Variants in CSNK2A2IP observed in about 807,000 individuals in gnomAD.
CSNK2A2IP encodes casein kinase 2 subunit alpha' interacting protein.
At chr3:88,413,064 A>AT in the CSNK2A2IP span, among the ~76,000 whole-genome samples, 1 of 151,766 alleles carries the variant, frequency 6.6e-6, no homozygotes, top group African/African-American at 2.4e-5. Context: ...TAAGTTTTTT[A>AT]TTTTTTCCAG....
At chr3:88,398,842 T>C in the CSNK2A2IP span, among the ~76,000 whole-genome samples, 1 of 152,216 alleles carries the variant, frequency 6.6e-6, no homozygotes, top group Non-Finnish European at 1.5e-5. Context: ...GGAATATTTA[T>C]GTCTTGCTCA....
the CSNK2A2IP span, among the ~76,000 whole-genome samples, chr3:88,420,855 T>A: frequency 1.2e-4 from 18 of 152,250 alleles, no homozygotes; most frequent in African/African-American, 4.3e-4. Context: ...AGAAATGATA[T>A]TGGGTTCATT....
the CSNK2A2IP span, among the ~76,000 whole-genome samples, chr3:88,385,275 A>C: frequency 6.6e-6 from 1 of 151,910 alleles, no homozygotes; most frequent in South Asian, 2.1e-4. Flanking sequence ...GTGATATGGA[A>C]GGTGAGAGAG....
chr3:88,396,032 C>T, the CSNK2A2IP span, among the ~76,000 whole-genome samples: 5 of 150,176 alleles, frequency 3.3e-5, no homozygotes, highest in Non-Finnish European at 7.4e-5. Flanking sequence ...TATGAGTTTA[C>T]GATCTAGGAG....
the CSNK2A2IP span, among the ~76,000 whole-genome samples, chr3:88,352,224 CCTAT>C: frequency 2.6e-4 from 40 of 151,806 alleles, no homozygotes; most frequent in Admixed American, 1.5e-3. Context: ...CATCTATCTA[CCTAT>C]CTATCTATCT....
At chr3:88,377,852 A>G in the CSNK2A2IP span, among the ~76,000 whole-genome samples, 5,711 of 152,014 alleles carry the variant, frequency 0.038, 268 homozygotes, top group African/African-American at 0.11. Flanking sequence ...AAGACTCTTT[A>G]GGTCTACACA....
At chr3:88,452,679 C>T in the CSNK2A2IP span, among the ~76,000 whole-genome samples, 1 of 152,078 alleles carries the variant, frequency 6.6e-6, no homozygotes, top group African/African-American at 2.4e-5. Flanking sequence ...TTGTAGAGCT[C>T]AGTTCTGGAA....
the CSNK2A2IP span, among the ~76,000 whole-genome samples, chr3:88,373,427 G>C: frequency 6.6e-6 from 1 of 151,264 alleles, no homozygotes; most frequent in Admixed American, 6.6e-5. Flanking sequence ...ATTTTGAAGT[G>C]AATGAAATTG....
At chr3:88,463,230 C>T in the CSNK2A2IP span, among the ~76,000 whole-genome samples, 1 of 149,720 alleles carries the variant, frequency 6.7e-6, no homozygotes, top group Admixed American at 6.7e-5. Flanking sequence ...TGACTGATTT[C>T]AGAATCTGTT....
the CSNK2A2IP span, among the ~76,000 whole-genome samples, chr3:88,339,200 AT>A: frequency 6.6e-6 from 1 of 151,826 alleles, no homozygotes; most frequent in African/African-American, 2.4e-5. Flanking sequence ...TCCTCACTTT[AT>A]CCCCCAGTTC....
the CSNK2A2IP span, among the ~76,000 whole-genome samples, chr3:88,439,762 C>T: frequency 6.9e-6 from 1 of 144,006 alleles, no homozygotes; most frequent in Non-Finnish European, 1.5e-5. Flanking sequence ...AAAAAATCAT[C>T]GAAGAGTTAT....
the CSNK2A2IP span, among the ~76,000 whole-genome samples, chr3:88,414,270 G>GTTTT: frequency 6.1e-3 from 393 of 64,100 alleles, 68 homozygotes; most frequent in African/African-American, 0.025. Flanking sequence ...TACCAACAAA[G>GTTTT]TTTTTTTTTT....
At chr3:88,413,627 G>T in the CSNK2A2IP span, among the ~76,000 whole-genome samples, 2 of 151,990 alleles carry the variant, frequency 1.3e-5, no homozygotes, top group African/African-American at 2.4e-5. Context: ...GTGTATGTGT[G>T]TGTGTGCATG....
chr3:88,402,024 C>CT, the CSNK2A2IP span, among the ~76,000 whole-genome samples: 2,438 of 140,212 alleles, frequency 0.017, 19 homozygotes, highest in African/African-American at 0.019. Flanking sequence ...TCTGCTATGT[C>CT]TTTTTTTTTT....
the CSNK2A2IP span, among the ~76,000 whole-genome samples, chr3:88,401,056 T>A: frequency 6.6e-6 from 1 of 152,126 alleles, no homozygotes; most frequent in African/African-American, 2.4e-5. Context: ...TACATGCAAT[T>A]TTTTATGACA....
At chr3:88,350,746 G>T in the CSNK2A2IP span, among the ~76,000 whole-genome samples, 1 of 152,094 alleles carries the variant, frequency 6.6e-6, no homozygotes, top group Non-Finnish European at 1.5e-5. Context: ...AAAGGGCACT[G>T]AGTGAAAAGG....
At chr3:88,343,345 C>A in the CSNK2A2IP span, 1 of 151,774 alleles carries the variant, frequency 6.6e-6, no homozygotes, top group Non-Finnish European at 1.5e-5. Flanking sequence ...TCCCTTTTTG[C>A]GGTACAGTGA....
At chr3:88,422,134 C>CT in the CSNK2A2IP span, among the ~76,000 whole-genome samples, 337 of 151,946 alleles carry the variant, frequency 2.2e-3, no homozygotes, top group African/African-American at 7.1e-3. Flanking sequence ...TTTTATTAGA[C>CT]TTTTTTTTGT....
At chr3:88,411,460 G>T in the CSNK2A2IP span, among the ~76,000 whole-genome samples, 8 of 151,270 alleles carry the variant, frequency 5.3e-5, no homozygotes, top group South Asian at 1.7e-3. Context: ...TAATGAATAA[G>T]ATCTTATAAG....
Sources: allele counts gnomAD v4.1 joint callset (sites outside exome capture counted in the v4.1 genomes callset), GRCh38; gene constraint gnomAD v4.1.1; transcripts MANE v1.5; gene names NCBI Gene and HGNC (gene_info 2026-07-23, HGNC 2026-07-21).